Variants in NAV2 observed in about 807,000 individuals in gnomAD.
NAV2 encodes the protein helicase, APC down-regulated 1.
Under a neutral mutation model 223.2 loss-of-function variants are expected in NAV2, and 54 were observed. That is an observed-to-expected ratio of 0.24 (90% CI 0.19 to 0.30). The LOEUF is 0.30. Among genes scored for constraint, NAV2 ranks in the 10% least tolerant of loss-of-function variants. The probability of loss-of-function intolerance (pLI) is 1.00; values close to 1 mark genes in which losing one functional copy is unlikely to be tolerated. For synonymous variants in NAV2, 1,279 were observed against 1,239.3 expected (o/e 1.03, Z -0.67); for missense variants, 2,806 against 3,147.5 (o/e 0.89, Z 2.60).
intron 26 of NAV2, among the ~76,000 whole-genome samples, chr11:20,088,130 A>G (rs555365366): frequency 6.6e-6 from 1 of 152,304 alleles, no homozygotes; most frequent in Admixed American, 6.5e-5. Flanking sequence ...TGTCTTGGGC[A>G]TTAGGATTAG....
chr11:19,865,908 C>G (rs1443117), intron 3 of NAV2, among the ~76,000 whole-genome samples: 135,298 of 152,270 alleles, frequency 0.89, 60,208 homozygotes, highest in East Asian at 1. Context: ...TGTGTTGAAT[C>G]GCACTGTGGA....
At chr11:19,468,602 C>T (rs1852453848) in intron 1 of NAV2, among the ~76,000 whole-genome samples, 1 of 152,188 alleles carries the variant, frequency 6.6e-6, no homozygotes, top group Non-Finnish European at 1.5e-5. Flanking sequence ...TAACTAATTA[C>T]ATTTGTAATA....
chr11:19,486,126 C>T (rs1208779529), intron 1 of NAV2, among the ~76,000 whole-genome samples: 1 of 152,122 alleles, frequency 6.6e-6, no homozygotes, highest in African/African-American at 2.4e-5. Flanking sequence ...GCAAAACACC[C>T]TTCCTCTGAT....
chr11:20,061,708 A>G (rs2058719121), intron 19 of NAV2, among the ~76,000 whole-genome samples: 3 of 152,232 alleles, frequency 2.0e-5, no homozygotes, highest in Admixed American at 6.5e-5. Context: ...GACATGATAG[A>G]AATCAAATAA....
chr11:19,832,355 A>C, intron 1 of NAV2, 129 bp from the exon 2 acceptor site: 3 of 706,652 alleles, frequency 4.2e-6, no homozygotes, highest in Non-Finnish European at 7.6e-6. Flanking sequence ...ACTGAATTTT[A>C]ATGGTGCTGG....
Position 19,898,000 on chromosome 11 carries a change from G to T in NAV2, c.931+5406G>T, listed in dbSNP as rs1036999175. Among the ~76,000 whole-genome samples, 6 of 151,292 alleles carry T rather than the reference G, an allele frequency of 4.0e-5. No homozygotes were observed. In the East Asian group the frequency reaches 6.0e-4, roughly 15 times the overall value. ...AGAATCACAGATTTTCAGGGGCAAA[G>T]AAATAGCTGTCTTTTTAAATATTTG... On this transcript the variant is annotated intron_variant, in intron 6 of 37. Transcript: ENST00000349880.
intron 1 of NAV2, among the ~76,000 whole-genome samples, chr11:19,758,264 C>CT (rs2054402031): frequency 6.6e-6 from 1 of 152,118 alleles, no homozygotes; most frequent in Non-Finnish European, 1.5e-5. Context: ...GATGTAATAC[C>CT]TAAGCACAGT....
intron 1 of NAV2, among the ~76,000 whole-genome samples, chr11:19,414,148 T>C (rs921192962): frequency 1.3e-5 from 2 of 152,186 alleles, no homozygotes; most frequent in Non-Finnish European, 2.9e-5. Context: ...TGAAGACCCA[T>C]CTATGTGCTG....
chr11:19,888,740 T>C (rs1031826408), intron 5 of NAV2, among the ~76,000 whole-genome samples: 3 of 152,126 alleles, frequency 2.0e-5, no homozygotes, highest in Non-Finnish European at 4.4e-5. Context: ...CAGCTCTTTC[T>C]TTCCCCTGTA....
At chr11:19,969,320 T>C (rs1238072842) in intron 10 of NAV2, among the ~76,000 whole-genome samples, 1 of 152,200 alleles carries the variant, frequency 6.6e-6, no homozygotes, top group Non-Finnish European at 1.5e-5. Context: ...GGAGCCATGC[T>C]GTCCCTTAAA....
upstream of NAV2, among the ~76,000 whole-genome samples, chr11:19,350,501 CT>C (rs1177412705): frequency 6.6e-6 from 1 of 152,250 alleles, no homozygotes; most frequent in Non-Finnish European, 1.5e-5. Flanking sequence ...GAGTCAGGGG[CT>C]GCCAGAGAGG....
intron 10 of NAV2, among the ~76,000 whole-genome samples, chr11:19,981,505 G>A (rs1301083198): frequency 1.3e-5 from 2 of 152,188 alleles, no homozygotes; most frequent in African/African-American, 4.8e-5. Context: ...AAATCCAGCA[G>A]GGAAATGAAT....
chr11:19,727,038 A>G (rs11025224), intron 1 of NAV2, among the ~76,000 whole-genome samples: 36,041 of 152,112 alleles, frequency 0.24, 7,704 homozygotes, highest in African/African-American at 0.57. Context: ...TCCGAAATCC[A>G]TAGCTACTCT....
chr11:19,993,548 CAAGT>C (rs1333908813), intron 11 of NAV2, among the ~76,000 whole-genome samples: 2 of 152,178 alleles, frequency 1.3e-5, no homozygotes, highest in African/African-American at 4.8e-5. Flanking sequence ...TTATCACATG[CAAGT>C]GAGTGCCTGT....
In NAV2 at chr11:19,944,138, T is replaced by A. The variant is rs528268181; in HGVS notation, c.2147-2263T>A. 2.3e-3 allele frequency among the ~76,000 whole-genome samples: 346 copies of A among 152,156 alleles called. 1 individual carries two copies. The highest frequency in any genetic ancestry group is 3.4e-3 in the Non-Finnish European group (234 of 68,020). ...ATCGCTTCAACTGAGGAGGTGGAGG[T>A]TGCAGTGAGCTGAGATCGTGCCACT... On this transcript the variant is annotated intron_variant, in intron 8 of 37. Transcript: ENST00000349880.
chr11:19,951,403 A>G (rs978348445), intron 10 of NAV2, among the ~76,000 whole-genome samples: 2 of 140,444 alleles, frequency 1.4e-5, no homozygotes, highest in African/African-American at 5.0e-5. Context: ...AGTTTTCCAT[A>G]AACATGAAAA....
At chr11:19,950,967 G>A (rs539615352) in intron 10 of NAV2, among the ~76,000 whole-genome samples, 1 of 152,350 alleles carries the variant, frequency 6.6e-6, no homozygotes, top group African/African-American at 2.4e-5. Context: ...CTTCTGAGAA[G>A]CATTCCTGCC....
At chr11:19,625,554 C>T (rs1327364027) in intron 1 of NAV2, among the ~76,000 whole-genome samples, 20 of 152,142 alleles carry the variant, frequency 1.3e-4, no homozygotes, top group Admixed American at 1.3e-3. Context: ...TTTCCTTTCT[C>T]TTGGTGAAAT....
chr11:19,459,635 G>A (rs1356798322), intron 1 of NAV2, among the ~76,000 whole-genome samples: 1 of 152,212 alleles, frequency 6.6e-6, no homozygotes, highest in Non-Finnish European at 1.5e-5. Context: ...AAGGAATGGA[G>A]TGGGATAATC....
Sources: allele counts gnomAD v4.1 joint callset (sites outside exome capture counted in the v4.1 genomes callset), GRCh38; gene constraint gnomAD v4.1.1; transcripts MANE v1.5; gene names NCBI Gene and HGNC (gene_info 2026-07-23, HGNC 2026-07-21).